Variants in NPAS3 observed in about 807,000 individuals in gnomAD.
NPAS3 encodes the protein neuronal PAS domain protein 3.
Under a neutral mutation model 73.1 loss-of-function variants are expected in NPAS3, and 14 were observed. The observed-to-expected ratio is 0.19, with a 90% CI of 0.13 to 0.30. The LOEUF (loss-of-function observed/expected upper bound fraction) is 0.30. Among genes scored for constraint, NPAS3 ranks in the 10% least tolerant of loss-of-function variants. The pLI, the probability that NPAS3 is intolerant of heterozygous loss-of-function variation, is 1.00. For missense variants in NPAS3, 1,096 were observed against 1,250.0 expected (o/e 0.88, Z 1.86); for synonymous variants, 620 against 541.5 (o/e 1.14, Z -2.01).
chr14:32,965,060 T>C (rs1028895741), intron 1 of NPAS3, among the ~76,000 whole-genome samples: 5 of 152,122 alleles, frequency 3.3e-5, no homozygotes, highest in African/African-American at 1.2e-4. Context: ...AGTAACAAGA[T>C]TGAATCAGTA....
Position 33,729,452 on chromosome 14 carries a change from C to A in NPAS3, c.734-5762C>A, listed in dbSNP as rs115749676. Among the ~76,000 whole-genome samples, 450 of 152,270 alleles carry A rather than the reference C, an allele frequency of 3.0e-3. 2 individuals carry two copies. Among genetic ancestry groups the A allele is most frequent in the African/African-American group, 0.01 (425 of 41,552 alleles). ...AAAGCAAAGATATCTCGCATAGTTCCTTCAGGTTAGCGATCTAGGAGCAGC... is the reference window on the plus strand; with the variant it reads ...AAAGCAAAGATATCTCGCATAGTTCATTCAGGTTAGCGATCTAGGAGCAGC... On this transcript the variant is annotated intron_variant, in intron 6 of 11. Coordinates refer to ENST00000356141, the Ensembl canonical transcript of NPAS3.
At chr14:33,116,799 A>G (rs1456413100) in intron 2 of NPAS3, among the ~76,000 whole-genome samples, 2 of 151,636 alleles carry the variant, frequency 1.3e-5, no homozygotes, top group Non-Finnish European at 2.9e-5. Flanking sequence ...GCAGCACGCA[A>G]CCACTTCTGC....
chr14:33,349,274 C>A (rs893151639), intron 3 of NPAS3, among the ~76,000 whole-genome samples: 1 of 152,126 alleles, frequency 6.6e-6, no homozygotes, highest in Non-Finnish European at 1.5e-5. Context: ...AAAACAGTTT[C>A]GTCCAGAAAT....
chr14:33,052,529 C>T (rs145761370), intron 1 of NPAS3, among the ~76,000 whole-genome samples: 312 of 152,286 alleles, frequency 2.0e-3, no homozygotes, highest in African/African-American at 6.9e-3. Flanking sequence ...ATGGCCAGCG[C>T]TTATGCTTAA....
At chr14:33,543,999 A>ATATATATC (rs2054659282) in intron 4 of NPAS3, among the ~76,000 whole-genome samples, 3 of 64,196 alleles carry the variant, frequency 4.7e-5, no homozygotes, top group Non-Finnish European at 8.8e-5. Flanking sequence ...ATATATATAT[A>ATATATATC]TATCTATATC....
intron 4 of NPAS3, among the ~76,000 whole-genome samples, chr14:33,478,449 G>A (rs2051151395): frequency 6.6e-6 from 1 of 152,112 alleles, no homozygotes; most frequent in South Asian, 2.1e-4. Context: ...AGAAGCCTTA[G>A]CGATAAGCTC....
intron 5 of NPAS3, among the ~76,000 whole-genome samples, chr14:33,615,068 G>A (rs1428116086): frequency 6.6e-6 from 1 of 152,138 alleles, no homozygotes; most frequent in Non-Finnish European, 1.5e-5. Context: ...GCCATTCTAG[G>A]TGACAGGAGC....
chr14:33,018,675 T>C (rs1250865736), intron 1 of NPAS3, among the ~76,000 whole-genome samples: 3 of 152,212 alleles, frequency 2.0e-5, no homozygotes, highest in African/African-American at 7.2e-5. Context: ...TTTTTCATTT[T>C]CAAAAATGAT....
At chr14:32,975,914 C>A (rs561582528) in intron 1 of NPAS3, among the ~76,000 whole-genome samples, 1 of 143,310 alleles carries the variant, frequency 7.0e-6, no homozygotes, top group Admixed American at 7.0e-5. Context: ...AGAGAGTTTG[C>A]AGACACGCAT....
At chr14:33,566,219 T>G (rs1041286221) in intron 5 of NPAS3, among the ~76,000 whole-genome samples, 2 of 137,070 alleles carry the variant, frequency 1.5e-5, no homozygotes, top group Non-Finnish European at 3.2e-5. Flanking sequence ...GTGAAGAAAT[T>G]GATTTTTCCC....
At chr14:33,381,160 C>T (rs1360154650) in intron 4 of NPAS3, among the ~76,000 whole-genome samples, 1 of 152,134 alleles carries the variant, frequency 6.6e-6, no homozygotes. Context: ...GGAGATAAAA[C>T]TCAGTAACTA....
chr14:33,736,859 A>C (rs1265742122), intron 7 of NPAS3, among the ~76,000 whole-genome samples: 3 of 152,186 alleles, frequency 2.0e-5, no homozygotes, highest in African/African-American at 7.2e-5. Flanking sequence ...TTATTTGATA[A>C]TTTAATGTTG....
chr14:33,019,725 G>T lies in NPAS3; in HGVS notation c.51-36180G>T, dbSNP rs1334891673. On this transcript the variant is annotated intron_variant, in intron 1 of 11. Coordinates refer to ENST00000356141, the Ensembl canonical transcript of NPAS3. ...AGATTGAAATCAATATTCGTTTGGAGTGCAACAACTGTAATAAACTACACT... is the reference window on the plus strand; with the variant it reads ...AGATTGAAATCAATATTCGTTTGGATTGCAACAACTGTAATAAACTACACT... Among the ~76,000 whole-genome samples, 3 of 152,182 alleles carry T rather than the reference G, an allele frequency of 2.0e-5. No homozygotes were observed. The East Asian group carries it at 5.8e-4, about 29-fold the overall frequency.
intron 5 of NPAS3, among the ~76,000 whole-genome samples, chr14:33,615,822 A>G (rs1305997050): frequency 3.3e-5 from 5 of 152,224 alleles, no homozygotes; most frequent in East Asian, 1.9e-4. Flanking sequence ...TCTGCCCTAC[A>G]TATCAACCTA....
intron 4 of NPAS3, among the ~76,000 whole-genome samples, chr14:33,513,237 C>T (rs1033150862): frequency 6.6e-6 from 1 of 151,954 alleles, no homozygotes; most frequent in African/African-American, 2.4e-5. Flanking sequence ...TACTCATGAG[C>T]TAAGGTCACA....
chr14:33,041,803 C>T (rs1486037393), intron 1 of NPAS3, among the ~76,000 whole-genome samples: 4 of 152,004 alleles, frequency 2.6e-5, no homozygotes, highest in African/African-American at 9.7e-5. Flanking sequence ...TTTTGGAAAA[C>T]AGGAATTAGG....
chr14:33,001,867 C>A (rs903859464), intron 1 of NPAS3, among the ~76,000 whole-genome samples: 2 of 152,184 alleles, frequency 1.3e-5, no homozygotes, highest in Non-Finnish European at 2.9e-5. Context: ...GATTCCTCAG[C>A]CTGTACCTAA....
At chr14:33,242,850 A>T (rs542659927) in intron 3 of NPAS3, among the ~76,000 whole-genome samples, 1 of 152,286 alleles carries the variant, frequency 6.6e-6, no homozygotes, top group Non-Finnish European at 1.5e-5. Flanking sequence ...ATTGCTCTTC[A>T]TGAAGTGCTA....
intron 4 of NPAS3, among the ~76,000 whole-genome samples, chr14:33,527,814 A>G (rs984128347): frequency 6.6e-6 from 1 of 152,072 alleles, no homozygotes; most frequent in African/African-American, 2.4e-5. Flanking sequence ...CCTTTTGAAC[A>G]ACGCTGGGTT....
Sources: gnomAD v4.1 joint callset for allele counts (sites outside exome capture counted in the v4.1 genomes callset) on GRCh38, gnomAD v4.1.1 for gene constraint, MANE v1.5 for transcripts, NCBI Gene and HGNC (gene_info 2026-07-23, HGNC 2026-07-21) for gene names.